The following SLC25A21 variants were observed in gnomAD, a reference collection of about 807,000 sequenced individuals.
SLC25A21 encodes the protein mitochondrial 2-oxodicarboxylate carrier.
In SLC25A21, 47 loss-of-function variants were observed where a neutral mutation model predicts 43.8. That is an observed-to-expected ratio of 1.07 (90% CI 0.85 to 1.37). The LOEUF is 1.37. Ranked by LOEUF, SLC25A21 falls within the 40% of genes most tolerant of loss-of-function variation. The probability of loss-of-function intolerance (pLI) is 0.00; values close to 1 mark genes in which losing one functional copy is unlikely to be tolerated. For missense variants in SLC25A21, 352 were observed against 350.2 expected, an observed-to-expected ratio of 1.00 and a Z score of -0.04; for synonymous variants, 131 against 121.3, an observed-to-expected ratio of 1.08 and a Z score of -0.52.
chr14:36,704,108 T>A (rs954454278), intron 7 of SLC25A21, among the ~76,000 whole-genome samples: 2 of 152,150 alleles, frequency 1.3e-5, no homozygotes, highest in African/African-American at 4.8e-5. Flanking sequence ...AGCTAGCTCC[T>A]AAAAATAAAT....
rs549234437 is a variant in SLC25A21 at position 36,751,315 on chromosome 14, T to C, written c.204-16742A>G. 2.6e-5 allele frequency among the ~76,000 whole-genome samples: 4 copies of C among 152,328 alleles called. 1 individual carries two copies. The highest frequency in any genetic ancestry group is 9.6e-5 in the African/African-American group (4 of 41,582). The stretch of plus-strand genomic sequence containing the variant: ...ACAGGAAGTAGCCCCTGCTGTAAAG[T>C]AAGCAGGACCACACCTAAGGCTGTT... On this transcript the variant is annotated intron_variant, in intron 3 of 9. Transcript: ENST00000331299.
chr14:36,902,069 T>C lies in SLC25A21; in HGVS notation c.71-27065A>G, dbSNP rs181507699. Reference sequence around the variant, plus strand: ...CCACATAAAAATATGATTAACTCTGTACCTTGTGTAAGTTACTTATGTTTG... The same window carrying C: ...CCACATAAAAATATGATTAACTCTGCACCTTGTGTAAGTTACTTATGTTTG... On this transcript the variant is annotated intron_variant, in intron 1 of 9. Coordinates refer to ENST00000331299, the MANE Select transcript of SLC25A21 (RefSeq NM_030631.4). Among the ~76,000 whole-genome samples, 12 of 152,356 alleles carry C rather than the reference T, an allele frequency of 7.9e-5. No homozygotes were observed. In the East Asian group the frequency reaches 2.3e-3, roughly 29 times the overall value.
Position 36,949,788 on chromosome 14 carries a change from G to A in SLC25A21, c.71-74784C>T, listed in dbSNP as rs746308406. 6.0e-4 allele frequency among the ~76,000 whole-genome samples: 92 copies of A among 152,208 alleles called. 1 individual carries two copies. Among genetic ancestry groups the A allele is most frequent in the South Asian group, 2.1e-4 (1 of 4,834 alleles). ...TAAATGGAAAACAGAGGAAACAGGA[G>A]ATGCTTTTCTCAACTCTGAGACTTT... On this transcript the variant is annotated intron_variant, in intron 1 of 9. Transcript: ENST00000331299.
intron 1 of SLC25A21, among the ~76,000 whole-genome samples, chr14:36,944,369 G>A (rs151227910): frequency 9.1e-4 from 138 of 152,302 alleles, no homozygotes; most frequent in African/African-American, 3.2e-3. Context: ...TCAGCTTGCG[G>A]TAGGAGTTGG....
At chr14:36,764,798 C>T (rs1886351065) in intron 3 of SLC25A21, among the ~76,000 whole-genome samples, 4 of 152,114 alleles carry the variant, frequency 2.6e-5, no homozygotes, top group Non-Finnish European at 5.9e-5. Flanking sequence ...GGCGGTGCCC[C>T]TAAACTGTTG....
chr14:36,689,858 T>C (rs1427239610), intron 7 of SLC25A21, among the ~76,000 whole-genome samples: 1 of 152,196 alleles, frequency 6.6e-6, no homozygotes, highest in Non-Finnish European at 1.5e-5. Context: ...AAGTTGATCA[T>C]TCACCCTCTT....
At chr14:36,965,554 G>T (rs1959594200) in intron 1 of SLC25A21, among the ~76,000 whole-genome samples, 1 of 151,906 alleles carries the variant, frequency 6.6e-6, no homozygotes, top group Non-Finnish European at 1.5e-5. Flanking sequence ...TTTGTTTTTG[G>T]CATATAAATA....
chr14:36,705,595 CCTCTGTCTCTGT>C (rs892426485), intron 7 of SLC25A21, among the ~76,000 whole-genome samples: 4 of 152,212 alleles, frequency 2.6e-5, no homozygotes, highest in Non-Finnish European at 5.9e-5. Context: ...TCTGTCTCTG[CCTCTGTCTCTGT>C]CTCTCTCTCA....
At chr14:37,049,156 G>T (rs1332896654) in intron 1 of SLC25A21, among the ~76,000 whole-genome samples, 1 of 152,144 alleles carries the variant, frequency 6.6e-6, no homozygotes, top group Non-Finnish European at 1.5e-5. Context: ...TCCTTGAAAT[G>T]TTCTTGAAAT....
intron 1 of SLC25A21, among the ~76,000 whole-genome samples, chr14:36,929,806 G>A (rs1313974718): frequency 1.9e-4 from 29 of 152,084 alleles, no homozygotes; most frequent in South Asian, 4.1e-4. Context: ...AACCATTCCC[G>A]TTTGACAGTC....
At chr14:36,773,380 G>C (rs765393236) in intron 3 of SLC25A21, among the ~76,000 whole-genome samples, 1 of 152,150 alleles carries the variant, frequency 6.6e-6, no homozygotes, top group Non-Finnish European at 1.5e-5. Flanking sequence ...GCTTATAACT[G>C]ATAAGCCACA....
At chr14:36,694,312 T>C (rs1157693897) in intron 7 of SLC25A21, among the ~76,000 whole-genome samples, 5 of 152,194 alleles carry the variant, frequency 3.3e-5, no homozygotes, top group South Asian at 2.1e-4. Context: ...CAGTCTATCA[T>C]TGATGGACAT....
rs1276052570 is a variant in SLC25A21, at chr14:36,679,471, A to ATTC, written c.*1184_*1186dup. 1.5e-5 allele frequency: 15 copies of ATTC among 985,424 alleles called. No homozygotes were observed. Among genetic ancestry groups the ATTC allele is most frequent in the Admixed American group, 6.1e-5 (1 of 16,280 alleles). The allele number at this position is 985,424 out of a possible 1,614,324, so 61.0% of individuals were successfully genotyped here. ...ACAGGTGTCATATGGACTTTCAGTTATTCTTGTTGACTTTACTGAATCAGC... is the reference window on the plus strand; with the variant it reads ...ACAGGTGTCATATGGACTTTCAGTTATTCTTCTTGTTGACTTTACTGAATCAGC... On this transcript the variant is annotated 3_prime_UTR_variant, in exon 10 of 10. Coordinates refer to ENST00000331299, the MANE Select transcript of SLC25A21 (RefSeq NM_030631.4).
At chr14:36,827,204 T>G (rs1347535649) in intron 2 of SLC25A21, among the ~76,000 whole-genome samples, 1 of 152,218 alleles carries the variant, frequency 6.6e-6, no homozygotes, top group Non-Finnish European at 1.5e-5. Context: ...GATGTTTAGT[T>G]TGACAATTTG....
intron 1 of SLC25A21, among the ~76,000 whole-genome samples, chr14:36,964,457 G>A (rs1959568015): frequency 6.6e-6 from 1 of 152,186 alleles, no homozygotes; most frequent in Non-Finnish European, 1.5e-5. Flanking sequence ...GTCAAACTAT[G>A]GAATCAGGAG....
intron 1 of SLC25A21, among the ~76,000 whole-genome samples, chr14:36,883,546 C>T (rs1051356255): frequency 7.2e-5 from 11 of 152,156 alleles, no homozygotes; most frequent in Admixed American, 3.9e-4. Flanking sequence ...TCTGTCTCTT[C>T]TGATGGAAAT....
chr14:37,127,475 ACTTCCTCTATAGTTAGATC>A (rs1199468297), intron 1 of SLC25A21, among the ~76,000 whole-genome samples: 2 of 152,140 alleles, frequency 1.3e-5, no homozygotes, highest in African/African-American at 4.8e-5. Context: ...TTCTTTTTAA[ACTTCCTCTATAGTTAGATC>A]CTTATCTTTG....
chr14:36,996,205 G>A (rs2138718859), intron 1 of SLC25A21, among the ~76,000 whole-genome samples: 1 of 152,196 alleles, frequency 6.6e-6, no homozygotes, highest in South Asian at 2.1e-4. Flanking sequence ...ATAAATGATT[G>A]TATCTAATAT....
At chr14:36,923,799 C>G (rs187308096) in intron 1 of SLC25A21, among the ~76,000 whole-genome samples, 44 of 152,182 alleles carry the variant, frequency 2.9e-4, no homozygotes, top group Non-Finnish European at 1.2e-4. Context: ...GGGCTAATAT[C>G]CAGAATCTAC....
Sources: gnomAD v4.1 joint callset for allele counts (sites outside exome capture counted in the v4.1 genomes callset) on GRCh38, gnomAD v4.1.1 for gene constraint, MANE v1.5 for transcripts, NCBI Gene and HGNC (gene_info 2026-07-23, HGNC 2026-07-21) for gene names.